The following GRIN2A variants were observed in gnomAD, a reference collection of about 807,000 sequenced individuals.
GRIN2A encodes the protein glutamate receptor ionotropic, NMDA 2A.
In GRIN2A, 22 loss-of-function variants were observed where a neutral mutation model predicts 113.4. That is an observed-to-expected ratio of 0.19 (90% CI 0.14 to 0.28). GRIN2A has a LOEUF of 0.28. Ranked by LOEUF, GRIN2A falls within the 10% of genes least tolerant of loss-of-function variation. GRIN2A has a pLI of 1.00. For synonymous variants in GRIN2A, 827 were observed against 738.4 expected (o/e 1.12, Z -1.94); for missense variants, 1,502 against 1,887.0 (o/e 0.80, Z 3.78).
At chr16:10,069,707 C>T (rs1567276039) in intron 2 of GRIN2A, among the ~76,000 whole-genome samples, 1 of 152,244 alleles carries the variant, frequency 6.6e-6, no homozygotes, top group African/African-American at 2.4e-5. Flanking sequence ...TATTTCCAGG[C>T]AAAGAGATAT....
intron 2 of GRIN2A, among the ~76,000 whole-genome samples, chr16:9,979,025 T>C (rs2045831366): frequency 6.6e-6 from 1 of 152,212 alleles, no homozygotes; most frequent in Non-Finnish European, 1.5e-5. Context: ...ATGTGGGATC[T>C]TGCCTCTCTT....
At chr16:9,783,081 G>C (rs1902022833) in intron 11 of GRIN2A, among the ~76,000 whole-genome samples, 1 of 152,214 alleles carries the variant, frequency 6.6e-6, no homozygotes, top group African/African-American at 2.4e-5. Flanking sequence ...TGGGGCATCA[G>C]AATGGTTATT....
rs760535393 is a variant in GRIN2A, at chr16:9,759,546, G to A, written c.*3603C>T. ...CTATTTTTCTCCCCAGAAAATAAGC[G>A]TGAAATGATTTGACAGATTTTGCTG... On this transcript the variant is annotated 3_prime_UTR_variant, in exon 13 of 13. Transcript: ENST00000330684. 71 of 225,116 alleles carry A rather than the reference G, an allele frequency of 3.2e-4. No individual in the cohort carries two copies. The highest frequency in any genetic ancestry group is 5.2e-4 in the Non-Finnish European group (59 of 113,060). 13.9% of individuals were successfully genotyped at this position (225,116 alleles called of 1,614,324 possible).
At chr16:10,059,175 A>G (rs1032355912) in intron 2 of GRIN2A, among the ~76,000 whole-genome samples, 4 of 152,194 alleles carry the variant, frequency 2.6e-5, no homozygotes, top group Non-Finnish European at 5.9e-5. Flanking sequence ...GCAGCTGCAG[A>G]TGTGCTGGGC....
chr16:10,051,422 A>G (rs552068519), intron 2 of GRIN2A, among the ~76,000 whole-genome samples: 10 of 152,336 alleles, frequency 6.6e-5, no homozygotes, highest in African/African-American at 2.4e-4. Context: ...GGTGCAGGGC[A>G]TTGCCTTTTC....
At chr16:10,137,311 G>C (rs1407603993) in intron 2 of GRIN2A, among the ~76,000 whole-genome samples, 2 of 152,170 alleles carry the variant, frequency 1.3e-5, no homozygotes, top group East Asian at 1.9e-4. Context: ...AGAAGATAAA[G>C]TAACTTGCTT....
At chr16:10,148,773 T>A (rs28403988) in intron 2 of GRIN2A, among the ~76,000 whole-genome samples, 1,944 of 152,320 alleles carry the variant, frequency 0.013, 43 homozygotes, top group African/African-American at 0.044. Flanking sequence ...TCTGCACTCC[T>A]ATGTTTATTG....
Position 9,844,932 on chromosome 16 carries a change from C to G in GRIN2A, c.1329-3828G>C, listed in dbSNP as rs375739828. Among the ~76,000 whole-genome samples, 4 of 152,226 alleles carry G rather than the reference C, an allele frequency of 2.6e-5. No homozygotes were observed. In the East Asian group the frequency reaches 5.8e-4, roughly 22 times the overall value. On this transcript the variant is annotated intron_variant, in intron 5 of 12. Coordinates refer to ENST00000330684, the MANE Select transcript of GRIN2A (RefSeq NM_001134407.3). ...CGGTTACCTGGTATTCTTAGAAGAT[C>G]CCACCACTTGCCAGAAGTGAGAAAC...
intron 11 of GRIN2A, among the ~76,000 whole-genome samples, chr16:9,793,096 A>G (rs1902720834): frequency 6.6e-6 from 1 of 152,168 alleles, no homozygotes; most frequent in Non-Finnish European, 1.5e-5. Context: ...GCTGCAGTTC[A>G]CTTTACTCAT....
At chr16:9,774,029 G>A (rs561218871) in intron 11 of GRIN2A, among the ~76,000 whole-genome samples, 1 of 90,142 alleles carries the variant, frequency 1.1e-5, no homozygotes, top group Non-Finnish European at 2.6e-5. Context: ...GAACAGGCAA[G>A]GATAATTGAG....
At position 9,963,183 on chromosome 16, in the gene GRIN2A, T is replaced by C. The variant is rs544154985; in HGVS notation, c.415-24632A>G. The stretch of plus-strand genomic sequence containing the variant: ...TACCTAATGCTAAATGACGAGTTAA[T>C]GGGTGCAGCACACCAACATGGCACA... On this transcript the variant is annotated intron_variant, in intron 2 of 12. Coordinates refer to ENST00000330684, the MANE Select transcript of GRIN2A (RefSeq NM_001134407.3). Among the ~76,000 whole-genome samples the C allele has an allele frequency of 2.0e-5, 3 of 150,402 alleles. No individual in the cohort carries two copies. In the East Asian group the frequency reaches 6.1e-4, roughly 31 times the overall value.
chr16:9,819,831 G>C (rs1003801204), intron 10 of GRIN2A, among the ~76,000 whole-genome samples: 2 of 141,600 alleles, frequency 1.4e-5, no homozygotes, highest in African/African-American at 5.2e-5. Flanking sequence ...AGTGTGTTGA[G>C]AATCGTTTGA....
At chr16:9,933,259 T>G (rs4628972) in intron 3 of GRIN2A, among the ~76,000 whole-genome samples, 67,624 of 151,868 alleles carry the variant, frequency 0.45, 15,549 homozygotes, top group African/African-American at 0.48. Context: ...AACGGTTGGG[T>G]GTAAGGTCAT....
At chr16:9,846,104 T>A (rs539623104) in intron 5 of GRIN2A, among the ~76,000 whole-genome samples, 1 of 152,374 alleles carries the variant, frequency 6.6e-6, no homozygotes, top group South Asian at 2.1e-4. Flanking sequence ...AAAACATTCC[T>A]GACCCCAAAA....
At chr16:10,030,442 C>T (rs2046907551) in intron 2 of GRIN2A, among the ~76,000 whole-genome samples, 1 of 152,134 alleles carries the variant, frequency 6.6e-6, no homozygotes, top group African/African-American at 2.4e-5. Context: ...TCAGACTTCA[C>T]CCCTGCTATG....
rs140266832 is a variant in GRIN2A at position 9,760,502 on chromosome 16, G to A, written c.*2647C>T. On this transcript the variant is annotated 3_prime_UTR_variant, in exon 13 of 13. Coordinates refer to ENST00000330684, the MANE Select transcript of GRIN2A (RefSeq NM_001134407.3). Reference sequence around the variant, plus strand: ...GATTATTTATTTGAAAAAACACTTCGGTCAGTGAAAAGAATATATATTTTT... The same window carrying A: ...GATTATTTATTTGAAAAAACACTTCAGTCAGTGAAAAGAATATATATTTTT... 4.8e-6 allele frequency: 1 copy of A among 209,196 alleles called. No individual in the cohort carries two copies. Among genetic ancestry groups the A allele is most frequent in the East Asian group, 7.0e-5 (1 of 14,212 alleles). The allele number at this position is 209,196 out of a possible 1,614,324, so 13.0% of individuals were successfully genotyped here. A position where few individuals can be genotyped will look rare whatever the true frequency, so the allele number is the denominator to read the frequency against.
chr16:10,070,320 C>G (rs1266018324), intron 2 of GRIN2A, among the ~76,000 whole-genome samples: 1 of 152,178 alleles, frequency 6.6e-6, no homozygotes, highest in African/African-American at 2.4e-5. Context: ...CATGGGCCAG[C>G]AGCATCAGCA....
At chr16:9,771,298 T>C (rs563848786) in intron 11 of GRIN2A, among the ~76,000 whole-genome samples, 7 of 152,150 alleles carry the variant, frequency 4.6e-5, no homozygotes, top group African/African-American at 1.7e-4. Flanking sequence ...TTCTTTTTTC[T>C]CTCTGTGCTG....
intron 4 of GRIN2A, among the ~76,000 whole-genome samples, chr16:9,884,326 A>G (rs565758213): frequency 1.3e-5 from 2 of 152,282 alleles, no homozygotes; most frequent in South Asian, 4.1e-4. Flanking sequence ...AAGCCGGTGG[A>G]TCACCTGAGG....
Sources: gnomAD v4.1 joint callset for allele counts (sites outside exome capture counted in the v4.1 genomes callset) on GRCh38, gnomAD v4.1.1 for gene constraint, MANE v1.5 for transcripts, NCBI Gene and HGNC (gene_info 2026-07-23, HGNC 2026-07-21) for gene names.